Variants in GSN observed in about 807,000 individuals in gnomAD.
GSN encodes the protein actin-depolymerizing factor.
Under a neutral mutation model 85.7 loss-of-function variants are expected in GSN, and 56 were observed. The ratio of observed to expected loss-of-function variants is 0.65; its 90% CI spans 0.53 to 0.82. The LOEUF (loss-of-function observed/expected upper bound fraction) is 0.82, where lower values mean the gene tolerates loss of function less well. Ranked by LOEUF, GSN falls within the 40% of genes least tolerant of loss-of-function variation. GSN has a pLI of 0.00. For synonymous variants in GSN, 373 were observed against 399.1 expected (o/e 0.93, Z 0.78); for missense variants, 857 against 979.8 (o/e 0.87, Z 1.67).
intron 2 of GSN, chr9:121,300,036 G>T (rs1161666487): frequency 6.4e-7 from 1 of 1,560,428 alleles, no homozygotes; most frequent in Non-Finnish European, 8.7e-7. Context: ...GGGGCTCCCG[G>T]AGTAACTCTC....
At position 121,324,751 on chromosome 9, in the gene GSN, G is replaced by GTCCATCCATCCATCCATCCA. The variant is rs57419831; in HGVS notation, c.1416+133_1416+152dup. The GTCCATCCATCCATCCATCCA allele has an allele frequency of 1.0e-5, 7 of 679,524 alleles. No individual in the cohort carries two copies. In the Admixed American group the frequency reaches 1.2e-4, roughly 12 times the overall value. The allele number at this position is 679,524 out of a possible 1,614,324, so 42.1% of individuals were successfully genotyped here. A position where few individuals can be genotyped will look rare whatever the true frequency, so the allele number is the denominator to read the frequency against. On this transcript the variant is annotated intron_variant, in intron 12 of 17. Coordinates refer to ENST00000432226, the MANE Select transcript of GSN (RefSeq NM_198252.3). The stretch of plus-strand genomic sequence containing the variant: ...CATTCGTTTGTCCATCTGTCTGTCT[G>GTCCATCCATCCATCCATCCA]TCCATCCATCCATCCATCCATCCAT...
At chr9:121,312,619 A>T (rs1417480308) in intron 6 of GSN, 131 bp downstream of exon 6, 2 of 733,028 alleles carry the variant, frequency 2.7e-6, no homozygotes, top group African/African-American at 3.6e-5. Flanking sequence ...TTTTATTTTT[A>T]AAATACTTTT....
chr9:121,278,331 T>C (rs1312505079), intron 1 of GSN, among the ~76,000 whole-genome samples: 1 of 152,168 alleles, frequency 6.6e-6, no homozygotes, highest in Admixed American at 6.5e-5. Flanking sequence ...TTATTAGGGG[T>C]GGCCATTTGA....
upstream of GSN, among the ~76,000 whole-genome samples, chr9:121,263,855 C>T (rs566681324): frequency 2.9e-4 from 42 of 147,108 alleles, no homozygotes; most frequent in Non-Finnish European, 4.3e-4. Flanking sequence ...CGCCATTGCA[C>T]TCCAGCCTAG....
At chr9:121,215,174 TCTC>T (rs887847246) in intron 4 of GSN, among the ~76,000 whole-genome samples, 54 of 150,072 alleles carry the variant, frequency 3.6e-4, no homozygotes, top group African/African-American at 1.3e-3. Flanking sequence ...TTGTATCTCT[TCTC>T]CTCTTCTTCT....
rs1360526921 is a variant in GSN, at chr9:121,332,454, G to A, written c.2047G>A (p.Asp683Asn). Residue 683 changes from aspartate (D) to asparagine (N), a missense_variant, in exon 18 of 18, where the codon GAC becomes AAC. Coordinates refer to ENST00000432226, the MANE Select transcript of GSN (RefSeq NM_198252.3). This position sits in a 1 kb window ranked among gnomAD's most constrained non-coding sequence, Gnocchi z 4.8. ...TGCAGCTAAGCGGTACATCGAGACG[G>A]ACCCAGCCAATCGGGATCGGCGGAC... is the stretch of plus-strand genomic sequence containing the variant. ...LTSAKRYIETDPANRDRRTPI... is the reference protein window; with the variant it reads ...LTSAKRYIETNPANRDRRTPI... The A allele has an allele frequency of 6.2e-7, 1 of 1,614,158 alleles. No individual in the cohort carries two copies. Among genetic ancestry groups the A allele is most frequent in the South Asian group, 1.1e-5 (1 of 91,084 alleles).
intron 5 of GSN, among the ~76,000 whole-genome samples, chr9:121,237,561 A>G (rs2054520736): frequency 6.6e-6 from 1 of 152,166 alleles, no homozygotes; most frequent in South Asian, 2.1e-4. Flanking sequence ...AAAAACAAAC[A>G]AACAAACAAA....
chr9:121,229,478 C>T (rs939607955), intron 4 of GSN, among the ~76,000 whole-genome samples: 1 of 152,178 alleles, frequency 6.6e-6, no homozygotes, highest in Non-Finnish European at 1.5e-5. Flanking sequence ...CCTCAGCTTC[C>T]CAAAGTGCTG....
At chr9:121,218,499 A>C (rs899806473) in intron 4 of GSN, among the ~76,000 whole-genome samples, 1 of 152,142 alleles carries the variant, frequency 6.6e-6, no homozygotes, top group South Asian at 2.1e-4. Flanking sequence ...ACCAGGCATC[A>C]TGACGTGTAC....
chr9:121,308,229 A>AG (rs1241560110), intron 4 of GSN: 1 of 152,260 alleles, frequency 6.6e-6, no homozygotes, highest in Non-Finnish European at 1.5e-5. Flanking sequence ...GCTAGTCCCA[A>AG]GGGACTCTTG....
At position 121,261,370 on chromosome 9, in the gene GSN, G is replaced by A. The variant is rs2132277827; in HGVS notation, c.-340-3784G>A. The stretch of plus-strand genomic sequence containing the variant: ...CAGTCTCCTGTGTGAGCCTGCGACA[G>A]CTTCCTCCTGCCCAGTGCCTTCATT... On this transcript the variant is annotated intron_variant, in intron 6 of 24. Coordinates refer to the GSN transcript ENST00000373823. The surrounding 1 kb of genome is among the most constrained non-coding windows in gnomAD (Gnocchi z 4.1). 6.6e-6 allele frequency among the ~76,000 whole-genome samples: 1 copy of A among 152,376 alleles called. No homozygotes were observed. Among genetic ancestry groups the A allele is most frequent in the Non-Finnish European group, 1.5e-5 (1 of 68,038 alleles).
chr9:121,258,758 G>C (rs1357600137), intron 6 of GSN, among the ~76,000 whole-genome samples: 1 of 151,842 alleles, frequency 6.6e-6, no homozygotes, highest in Non-Finnish European at 1.5e-5. Flanking sequence ...TAAGTGAGCA[G>C]AATCAAGAGA....
intron 4 of GSN, among the ~76,000 whole-genome samples, chr9:121,226,260 A>G (rs1012356974): frequency 1.3e-5 from 2 of 152,268 alleles, no homozygotes; most frequent in Non-Finnish European, 2.9e-5. Context: ...GACCAGCATT[A>G]GCATGGGAGA....
chr9:121,320,277 C>T (rs2062248485), intron 10 of GSN, among the ~76,000 whole-genome samples: 1 of 152,242 alleles, frequency 6.6e-6, no homozygotes, highest in African/African-American at 2.4e-5. Flanking sequence ...GTCACCAGAA[C>T]GCTGCGGAGA....
chr9:121,216,888 G>C (rs1333148573), intron 4 of GSN, among the ~76,000 whole-genome samples: 1 of 152,198 alleles, frequency 6.6e-6, no homozygotes, highest in Non-Finnish European at 1.5e-5. Flanking sequence ...GCATTCTTCT[G>C]AGGGTTGGTT....
chr9:121,289,172 T>C (rs1254044231), intron 2 of GSN, among the ~76,000 whole-genome samples: 1 of 151,712 alleles, frequency 6.6e-6, no homozygotes, highest in East Asian at 1.9e-4. Context: ...TTTTTTTTTC[T>C]TTTTTTTCTT....
intron 2 of GSN, chr9:121,209,504 A>C (rs1457367768): frequency 6.6e-6 from 1 of 152,182 alleles, no homozygotes; most frequent in African/African-American, 2.4e-5. Flanking sequence ...AGGGACCCAA[A>C]CTGACAAGTC....
At chr9:121,275,226 G>A (rs2056525989) in intron 1 of GSN, among the ~76,000 whole-genome samples, 1 of 152,198 alleles carries the variant, frequency 6.6e-6, no homozygotes, top group Admixed American at 6.5e-5. Flanking sequence ...AAGAAGTGGA[G>A]AGAACTTGGT....
intron 4 of GSN, among the ~76,000 whole-genome samples, chr9:121,225,288 C>G (rs369945812): frequency 3.9e-5 from 6 of 152,250 alleles, no homozygotes; most frequent in African/African-American, 9.6e-5. Context: ...TAAAAAGTAA[C>G]TACAAATGGA....
Sources: allele counts gnomAD v4.1 joint callset (sites outside exome capture counted in the v4.1 genomes callset), GRCh38; gene constraint gnomAD v4.1.1; non-coding constraint Gnocchi (gnomAD v3.1); transcripts MANE v1.5; gene names NCBI Gene and HGNC (gene_info 2026-07-23, HGNC 2026-07-21).